Variants in CTNND2 observed in about 807,000 individuals in gnomAD.
CTNND2 encodes the protein catenin delta 2, also known as catenin delta-2.
Under a neutral mutation model 144.4 loss-of-function variants are expected in CTNND2, and 22 were observed. That is an observed-to-expected ratio of 0.15 (90% CI 0.11 to 0.22). The LOEUF (loss-of-function observed/expected upper bound fraction) is 0.22. Among genes scored for constraint, CTNND2 ranks in the 10% least tolerant of loss-of-function variants. The pLI is 1.00. For synonymous variants in CTNND2, 751 were observed against 695.6 expected, an observed-to-expected ratio of 1.08 and a Z score of -1.25; for missense variants, 1,353 against 1,618.8, an observed-to-expected ratio of 0.84 and a Z score of 2.82.
chr5:11,888,112 A>G (rs1260279731), intron 1 of CTNND2, among the ~76,000 whole-genome samples: 1 of 152,240 alleles, frequency 6.6e-6, no homozygotes, highest in Non-Finnish European at 1.5e-5. Context: ...AATGAATGGC[A>G]TTCTTAAATT....
chr5:11,698,037 T>C (rs1325003998), intron 2 of CTNND2, among the ~76,000 whole-genome samples: 1 of 152,134 alleles, frequency 6.6e-6, no homozygotes, highest in African/African-American at 2.4e-5. Flanking sequence ...GATTTAATTT[T>C]AAAAATCAGT....
At chr5:11,053,347 G>C (rs1036792521) in intron 16 of CTNND2, among the ~76,000 whole-genome samples, 1 of 152,172 alleles carries the variant, frequency 6.6e-6, no homozygotes, top group East Asian at 1.9e-4. Context: ...GAGCTCTTTG[G>C]AATAAAGCAA....
chr5:11,151,257 A>G (rs1290903209), intron 12 of CTNND2, among the ~76,000 whole-genome samples: 2 of 152,184 alleles, frequency 1.3e-5, no homozygotes, highest in East Asian at 3.8e-4. Context: ...TCTTCAATTT[A>G]TGGTTAATAG....
chr5:11,377,749 T>C (rs547009802), intron 7 of CTNND2, among the ~76,000 whole-genome samples: 1 of 152,176 alleles, frequency 6.6e-6, no homozygotes, highest in African/African-American at 2.4e-5. Flanking sequence ...ATCCCAACTC[T>C]TAGTTCCAGG....
At chr5:11,408,718 C>A (rs2149833908) in intron 5 of CTNND2, among the ~76,000 whole-genome samples, 1 of 152,122 alleles carries the variant, frequency 6.6e-6, no homozygotes, top group African/African-American at 2.4e-5. Flanking sequence ...TTTAACTTCC[C>A]TATTATAAAC....
chr5:11,658,093 C>A (rs1318004941), intron 2 of CTNND2, among the ~76,000 whole-genome samples: 4 of 152,086 alleles, frequency 2.6e-5, no homozygotes, highest in Non-Finnish European at 5.9e-5. Flanking sequence ...ATATTTTAAT[C>A]TATTACACAA....
chr5:11,485,374 TGCGCGCGCGC>T lies in CTNND2; in HGVS notation c.288-73315_288-73306del, dbSNP rs141291357. Among the ~76,000 whole-genome samples the T allele has an allele frequency of 5.0e-5, 7 of 140,616 alleles. No individual in the cohort carries two copies. In the East Asian group the frequency reaches 1.4e-3, roughly 29 times the overall value. 92.2% of individuals were successfully genotyped at this position (140,616 alleles called of 152,430 possible). On this transcript the variant is annotated intron_variant, in intron 3 of 21. Coordinates refer to ENST00000304623, the MANE Select transcript of CTNND2 (RefSeq NM_001332.4). The stretch of plus-strand genomic sequence containing the variant: ...GTGTGTGTGTGTGTGTGTGTGTGTG[TGCGCGCGCGC>T]GCGTGCGCGCGCACATTCAATGCAA...
In CTNND2 at chr5:11,564,957, T is replaced by C. The variant is rs1420422941; in HGVS notation, c.274A>G (p.Met92Val). 4.3e-6 allele frequency: 7 copies of C among 1,613,516 alleles called. No homozygotes were observed. The highest frequency in any genetic ancestry group is 5.9e-6 in the Non-Finnish European group (7 of 1,179,562). Residue 92 changes from methionine (M) to valine (V), a missense_variant, in exon 3 of 22, where the codon ATG becomes GTG. Met to Val is a conservative substitution (Grantham distance 21). Transcript: ENST00000304623. ...CGGCGCTAGTACCTCATGCTGCTCA[T>C]GCTGCCAGTCTCGGATCCGAGCTTG... The part of the protein sequence containing the change: ...RCKLGSETGS[M>V]SSMSSAEEQF...
rs560295553 is a variant in CTNND2 at position 11,776,304 on chromosome 5, A to G, written c.38-44032T>C. Among the ~76,000 whole-genome samples, 31 of 152,290 alleles carry G rather than the reference A, an allele frequency of 2.0e-4. No individual in the cohort carries two copies. In the South Asian group the frequency reaches 3.5e-3, roughly 17 times the overall value. Reference sequence around the variant, plus strand: ...CCCCTCATCAGCCAGTGAGTGAGACAAAGGACGCTGAAGACAAGGAGTTAA... The same window carrying G: ...CCCCTCATCAGCCAGTGAGTGAGACGAAGGACGCTGAAGACAAGGAGTTAA... On this transcript the variant is annotated intron_variant, in intron 1 of 21. Coordinates refer to ENST00000304623, the MANE Select transcript of CTNND2 (RefSeq NM_001332.4).
intron 1 of CTNND2, among the ~76,000 whole-genome samples, chr5:11,758,344 G>C (rs1375178215): frequency 6.6e-6 from 1 of 151,740 alleles, no homozygotes; most frequent in Non-Finnish European, 1.5e-5. Flanking sequence ...ATAAATTTTT[G>C]TTTGATTAAA....
At chr5:11,455,948 C>CATTT (rs780200719) in intron 3 of CTNND2, among the ~76,000 whole-genome samples, 45 of 152,172 alleles carry the variant, frequency 3.0e-4, no homozygotes, top group Admixed American at 1.2e-3. Flanking sequence ...GATGGGAATG[C>CATTT]ATTTATTTAT....
intron 3 of CTNND2, among the ~76,000 whole-genome samples, chr5:11,476,349 T>C (rs1456104442): frequency 1.3e-5 from 2 of 152,292 alleles, no homozygotes; most frequent in East Asian, 3.9e-4. Context: ...CCAGGCAACA[T>C]GCTATGTGAG....
At chr5:11,402,734 T>C (rs1319121601) in intron 5 of CTNND2, among the ~76,000 whole-genome samples, 1 of 152,262 alleles carries the variant, frequency 6.6e-6, no homozygotes, top group Non-Finnish European at 1.5e-5. Flanking sequence ...GGGCTTGTTA[T>C]GCAAGAAAGC....
chr5:11,878,648 C>A (rs1735746877), intron 1 of CTNND2, among the ~76,000 whole-genome samples: 1 of 152,144 alleles, frequency 6.6e-6, no homozygotes, highest in African/African-American at 2.4e-5. Flanking sequence ...ATCCACTGAC[C>A]GTGAAATTCG....
chr5:11,774,642 C>T (rs7703307), intron 1 of CTNND2, among the ~76,000 whole-genome samples: 129,960 of 151,310 alleles, frequency 0.86, 58,655 homozygotes, highest in South Asian at 0.99. Flanking sequence ...GTCACATTTT[C>T]GCTTGCAATA....
intron 12 of CTNND2, among the ~76,000 whole-genome samples, chr5:11,147,815 TAC>T (rs1757392357): frequency 6.6e-6 from 1 of 152,178 alleles, no homozygotes; most frequent in Admixed American, 6.5e-5. Flanking sequence ...CAAAAAGTGA[TAC>T]AGAGTTACCA....
At chr5:11,781,001 C>A (rs1399949236) in intron 1 of CTNND2, among the ~76,000 whole-genome samples, 1 of 152,224 alleles carries the variant, frequency 6.6e-6, no homozygotes, top group Non-Finnish European at 1.5e-5. Flanking sequence ...TTAAATGTTA[C>A]AACCTCCTTA....
intron 8 of CTNND2, among the ~76,000 whole-genome samples, chr5:11,349,073 C>T (rs1755082277): frequency 6.6e-6 from 1 of 152,110 alleles, no homozygotes; most frequent in Admixed American, 6.5e-5. Context: ...GACAGATTTA[C>T]CGAGCTCTCC....
intron 2 of CTNND2, among the ~76,000 whole-genome samples, chr5:11,606,314 T>C (rs1045811026): frequency 2.6e-5 from 4 of 152,204 alleles, no homozygotes; most frequent in African/African-American, 9.7e-5. Context: ...TACATCGGAC[T>C]TCTGAGGCAG....
Sources: gnomAD v4.1 joint callset for allele counts (sites outside exome capture counted in the v4.1 genomes callset) on GRCh38, gnomAD v4.1.1 for gene constraint, MANE v1.5 for transcripts, NCBI Gene and HGNC (gene_info 2026-07-23, HGNC 2026-07-21) for gene names.